MOB3B: variants seen among roughly 807,000 people sequenced by gnomAD.
MOB3B encodes MOB kinase activator-like 2B.
A neutral mutation model predicts 18.7 loss-of-function variants in MOB3B; 7 were observed. The observed-to-expected ratio is 0.37, with a 90% CI of 0.21 to 0.70. The LOEUF is 0.70. Among genes scored for constraint, MOB3B ranks in the 30% least tolerant of loss-of-function variants. The pLI is 0.52. For missense variants in MOB3B, 253 were observed against 281.3 expected (o/e 0.90, Z 0.72); for synonymous variants, 111 against 99.9 (o/e 1.11, Z -0.66).
intron 2 of MOB3B, among the ~76,000 whole-genome samples, chr9:27,445,817 G>C (rs971415320): frequency 2.0e-5 from 3 of 152,070 alleles, no homozygotes; most frequent in Non-Finnish European, 4.4e-5. Flanking sequence ...CTGCACCAGA[G>C]ACTAAGCAGG....
At chr9:27,426,057 C>G (rs1020155917) in intron 2 of MOB3B, among the ~76,000 whole-genome samples, 4 of 152,164 alleles carry the variant, frequency 2.6e-5, no homozygotes. Context: ...CTTACCACAG[C>G]TAAGCCTTTA....
intron 1 of MOB3B, among the ~76,000 whole-genome samples, chr9:27,466,894 ATATCATTCCTGT>A (rs1244564299): frequency 4.6e-5 from 7 of 152,050 alleles, no homozygotes; most frequent in African/African-American, 7.2e-5. Flanking sequence ...CAGCCAAACC[ATATCATTCCTGT>A]TATCATTCCT....
chr9:27,473,385 C>T (rs10812601), intron 1 of MOB3B, among the ~76,000 whole-genome samples: 6 of 151,818 alleles, frequency 4.0e-5, no homozygotes, highest in African/African-American at 9.7e-5. Flanking sequence ...TGGAGAGCCA[C>T]GCTCCTAGAG....
At position 27,522,157 on chromosome 9, in the gene MOB3B, G is replaced by A. The variant is rs1165363119; in HGVS notation, c.-199+7398C>T. Among the ~76,000 whole-genome samples, 6 of 144,490 alleles carry A rather than the reference G, an allele frequency of 4.2e-5. No individual in the cohort carries two copies. The South Asian group carries it at 1.1e-3, about 26-fold the overall frequency. The allele number at this position is 144,490 out of a possible 152,430, so 94.8% of individuals were successfully genotyped here. The stretch of plus-strand genomic sequence containing the variant: ...CTTGTGAGGCTGAGGCAGGAGAATC[G>A]CTTGAACCCGGGAGGCGGAGGTTGC... On this transcript the variant is annotated intron_variant, in intron 1 of 3. Transcript: ENST00000262244.
chr9:27,405,544 T>C (rs1821954346), intron 2 of MOB3B, among the ~76,000 whole-genome samples: 1 of 152,220 alleles, frequency 6.6e-6, no homozygotes, highest in African/African-American at 2.4e-5. Context: ...CTCTTCATTT[T>C]CTTGGTTCCT....
At chr9:27,377,892 A>G (rs1007947117) in intron 2 of MOB3B, among the ~76,000 whole-genome samples, 1 of 152,220 alleles carries the variant, frequency 6.6e-6, no homozygotes, top group Admixed American at 6.5e-5. Context: ...GGTCCCCCAC[A>G]GGGGGTTGAA....
chr9:27,478,086 A>C (rs1173171292), intron 1 of MOB3B, among the ~76,000 whole-genome samples: 1 of 152,250 alleles, frequency 6.6e-6, no homozygotes, highest in African/African-American at 2.4e-5. Flanking sequence ...CACCAAGCCT[A>C]TGTCATGCAC....
intron 2 of MOB3B, among the ~76,000 whole-genome samples, chr9:27,425,373 C>CAAAA (rs57574286): frequency 4.5e-4 from 24 of 52,976 alleles, no homozygotes; most frequent in African/African-American, 1.2e-3. Context: ...AAAACTGTCT[C>CAAAA]AAAAAAAAAA....
intron 1 of MOB3B, among the ~76,000 whole-genome samples, chr9:27,517,779 G>A (rs1027059764): frequency 6.6e-6 from 1 of 150,760 alleles, no homozygotes. Context: ...TTTATTGAGT[G>A]TACGCTGTGT....
chr9:27,506,827 G>A (rs1045339242), intron 1 of MOB3B, among the ~76,000 whole-genome samples: 1 of 145,510 alleles, frequency 6.9e-6, no homozygotes, highest in African/African-American at 2.5e-5. Flanking sequence ...ACCACACCCC[G>A]GCTAATTTTT....
chr9:27,400,900 A>AGTATCTG (rs1371902309), intron 2 of MOB3B, among the ~76,000 whole-genome samples: 1 of 152,246 alleles, frequency 6.6e-6, no homozygotes, highest in East Asian at 1.9e-4. Context: ...AGAAGGCAAA[A>AGTATCTG]GTATCTGAGA....
Position 27,326,542 on chromosome 9 carries a change from G to A in MOB3B, c.*4045C>T. 2.5e-6 allele frequency: 1 copy of A among 398,568 alleles called. No individual in the cohort carries two copies. 24.7% of individuals were successfully genotyped at this position (398,568 alleles called of 1,614,324 possible). On this transcript the variant is annotated 3_prime_UTR_variant, in exon 4 of 4. Coordinates refer to ENST00000262244, the MANE Select transcript of MOB3B (RefSeq NM_024761.5). ...CAGTGGGTTGGTTATACCAAAGAAT[G>A]CTATAGAATTTCCATGCCCGAAGAA...
chr9:27,524,412 C>G (rs1320298936), intron 1 of MOB3B: 3 of 1,614,070 alleles, frequency 1.9e-6, no homozygotes, highest in Non-Finnish European at 2.5e-6. Flanking sequence ...TGCTGGCACC[C>G]TATCCCTGGA....
chr9:27,396,004 G>T (rs1050690702), intron 2 of MOB3B, among the ~76,000 whole-genome samples: 4 of 152,068 alleles, frequency 2.6e-5, no homozygotes, highest in African/African-American at 7.2e-5. Flanking sequence ...GAGGACGGGG[G>T]TTATGTTACC....
At chr9:27,455,791 G>A (rs529130615) in intron 1 of MOB3B, 43 bp from the exon 2 acceptor site, 715 of 1,389,124 alleles carry the variant, frequency 5.1e-4, no homozygotes, top group Non-Finnish European at 5.8e-4. Flanking sequence ...TGCCCAGTTC[G>A]CCTTTAAAAA....
chr9:27,429,911 G>C (rs1822393000), intron 2 of MOB3B, among the ~76,000 whole-genome samples: 1 of 152,188 alleles, frequency 6.6e-6, no homozygotes, highest in South Asian at 2.1e-4. Flanking sequence ...AGGATGTGCT[G>C]AGGGTTAGAA....
chr9:27,519,497 G>T (rs1237346713), intron 1 of MOB3B, among the ~76,000 whole-genome samples: 1 of 152,116 alleles, frequency 6.6e-6, no homozygotes, highest in African/African-American at 2.4e-5. Context: ...GCCACCCATG[G>T]ATATGATCCA....
At chr9:27,465,544 C>T (rs1428569702) in intron 1 of MOB3B, among the ~76,000 whole-genome samples, 7 of 152,192 alleles carry the variant, frequency 4.6e-5, no homozygotes, top group Non-Finnish European at 1.0e-4. Flanking sequence ...TCTTACAGCT[C>T]CACCAAGCAG....
At chr9:27,355,582 C>A in intron 3 of MOB3B, among the ~76,000 whole-genome samples, 1 of 137,662 alleles carries the variant, frequency 7.3e-6, no homozygotes, top group African/African-American at 2.8e-5. Flanking sequence ...TTTTTTGAGA[C>A]GGAGTCTCGC....
Sources: allele counts gnomAD v4.1 joint callset (sites outside exome capture counted in the v4.1 genomes callset), GRCh38; gene constraint gnomAD v4.1.1; transcripts MANE v1.5; gene names NCBI Gene and HGNC (gene_info 2026-07-23, HGNC 2026-07-21).